The following C7orf78 variants were observed in gnomAD, a reference collection of about 807,000 sequenced individuals.
The protein encoded by C7orf78 is chromosome 7 open reading frame 78.
chr7:12,513,985 G>A, the C7orf78 span, among the ~76,000 whole-genome samples: 2 of 152,218 alleles, frequency 1.3e-5, no homozygotes, highest in East Asian at 1.9e-4. Context: ...GGGCAACAGA[G>A]CGAGACTCCG....
chr7:12,487,299 C>T, the C7orf78 span, among the ~76,000 whole-genome samples: 1 of 152,006 alleles, frequency 6.6e-6, no homozygotes, highest in African/African-American at 2.4e-5. Flanking sequence ...TTAAATTTTA[C>T]AAGTCTGTCT....
chr7:12,504,758 A>G, the C7orf78 span, among the ~76,000 whole-genome samples: 1 of 152,154 alleles, frequency 6.6e-6, no homozygotes, highest in Non-Finnish European at 1.5e-5. Context: ...AGAAAGAGAA[A>G]GCCCTGCTAA....
the C7orf78 span, among the ~76,000 whole-genome samples, chr7:12,531,803 G>C: frequency 2.0e-5 from 3 of 152,178 alleles, no homozygotes; most frequent in African/African-American, 7.2e-5. Flanking sequence ...CATGTGGGTG[G>C]GTTAAGGAGC....
chr7:12,510,587 C>G, the C7orf78 span, among the ~76,000 whole-genome samples: 1 of 151,850 alleles, frequency 6.6e-6, no homozygotes, highest in Non-Finnish European at 1.5e-5. Context: ...TATTTTTTGT[C>G]CTGGATAATA....
chr7:12,496,218 T>C, the C7orf78 span, among the ~76,000 whole-genome samples: 109,550 of 152,072 alleles, frequency 0.72, 39,700 homozygotes, highest in East Asian at 0.93. Context: ...AGCCACCTCG[T>C]CTGGCTGAGA....
At chr7:12,518,810 G>C in the C7orf78 span, among the ~76,000 whole-genome samples, 2 of 152,076 alleles carry the variant, frequency 1.3e-5, no homozygotes, top group Admixed American at 1.3e-4. Context: ...CTTAGGGCTT[G>C]TACTAGAAAG....
chr7:12,525,632 T>C, the C7orf78 span, among the ~76,000 whole-genome samples: 1 of 152,146 alleles, frequency 6.6e-6, no homozygotes, highest in Non-Finnish European at 1.5e-5. Flanking sequence ...TTATACACTA[T>C]TTAAATCTTA....
the C7orf78 span, chr7:12,530,407 A>T: frequency 6.6e-6 from 1 of 152,188 alleles, no homozygotes; most frequent in Non-Finnish European, 1.5e-5. Flanking sequence ...CTGTCATGTG[A>T]TGCGACACTA....
At chr7:12,486,251 T>C in the C7orf78 span, among the ~76,000 whole-genome samples, 1 of 152,090 alleles carries the variant, frequency 6.6e-6, no homozygotes, top group Admixed American at 6.6e-5. Flanking sequence ...CTCCATTCCA[T>C]CTAGCATTAA....
At chr7:12,486,397 C>T in the C7orf78 span, among the ~76,000 whole-genome samples, 25 of 151,910 alleles carry the variant, frequency 1.6e-4, no homozygotes, top group East Asian at 4.8e-3. Flanking sequence ...TGAACATCTA[C>T]TATTAGGTTT....
the C7orf78 span, among the ~76,000 whole-genome samples, chr7:12,534,692 T>C: frequency 6.6e-6 from 1 of 152,200 alleles, no homozygotes; most frequent in Non-Finnish European, 1.5e-5. Context: ...TAATGGTTCA[T>C]TCCTATAATT....
the C7orf78 span, chr7:12,529,064 T>C: frequency 5.8e-5 from 23 of 398,400 alleles, no homozygotes; most frequent in Middle Eastern, 6.3e-4. Context: ...ACTTTCTCTA[T>C]AGCTGTTGGA....
At chr7:12,492,839 G>T in the C7orf78 span, among the ~76,000 whole-genome samples, 1 of 152,180 alleles carries the variant, frequency 6.6e-6, no homozygotes, top group African/African-American at 2.4e-5. Context: ...TAAGGATCTT[G>T]AATAGTCTTA....
At chr7:12,539,909 G>A in the C7orf78 span, among the ~76,000 whole-genome samples, 34 of 152,206 alleles carry the variant, frequency 2.2e-4, no homozygotes, top group African/African-American at 8.0e-4. Flanking sequence ...ATGATCTGGT[G>A]AGTTTCACTT....
the C7orf78 span, among the ~76,000 whole-genome samples, chr7:12,490,434 T>G: frequency 2.6e-5 from 4 of 152,070 alleles, no homozygotes; most frequent in African/African-American, 9.7e-5. Context: ...ATTCATAAGG[T>G]CAACATTGTA....
chr7:12,488,936 C>CTTT, the C7orf78 span, among the ~76,000 whole-genome samples: 4 of 147,508 alleles, frequency 2.7e-5, no homozygotes, highest in Non-Finnish European at 4.5e-5. Flanking sequence ...TGGTTTTTTG[C>CTTT]TTTGGCTAAG....
the C7orf78 span, among the ~76,000 whole-genome samples, chr7:12,515,773 G>T: frequency 9.9e-5 from 15 of 152,122 alleles, no homozygotes; most frequent in Non-Finnish European, 1.0e-4. Flanking sequence ...GCAAAGAGAC[G>T]GGTGGCATTT....
the C7orf78 span, among the ~76,000 whole-genome samples, chr7:12,520,990 A>AT: frequency 6.6e-6 from 1 of 151,766 alleles, no homozygotes; most frequent in Admixed American, 6.6e-5. Context: ...CTCTTTTTAC[A>AT]TTTTTTTATT....
At chr7:12,487,688 C>T in the C7orf78 span, among the ~76,000 whole-genome samples, 1 of 151,980 alleles carries the variant, frequency 6.6e-6, no homozygotes, top group Non-Finnish European at 1.5e-5. Flanking sequence ...ATTCTCTCTG[C>T]AAAACTTCAA....
Sources: gnomAD v4.1 joint callset for allele counts (sites outside exome capture counted in the v4.1 genomes callset) on GRCh38, gnomAD v4.1.1 for gene constraint, MANE v1.5 for transcripts, NCBI Gene and HGNC (gene_info 2026-07-23, HGNC 2026-07-21) for gene names.